The following LARP4 variants were observed in gnomAD, a reference collection of about 807,000 sequenced individuals.
The protein encoded by LARP4 is la-related protein 4.
Under a neutral mutation model 92.9 loss-of-function variants are expected in LARP4, and 29 were observed. That is an observed-to-expected ratio of 0.31 (90% CI 0.23 to 0.43). LARP4 has a LOEUF of 0.43. LARP4 is among the 20% of genes least tolerant of loss of function. The probability of loss-of-function intolerance (pLI) is 1.00; values close to 1 mark genes in which losing one functional copy is unlikely to be tolerated. For synonymous variants in LARP4, 279 were observed against 284.1 expected, an observed-to-expected ratio of 0.98 and a Z score of 0.18; for missense variants, 732 against 860.0, an observed-to-expected ratio of 0.85 and a Z score of 1.86.
At chr12:50,445,937 C>G (rs972984839) in intron 8 of LARP4, among the ~76,000 whole-genome samples, 2 of 150,714 alleles carry the variant, frequency 1.3e-5, no homozygotes, top group African/African-American at 4.9e-5. Context: ...TTTTTTGATT[C>G]TTTTTCACCT....
chr12:50,457,591 A>G (rs1381949403), intron 10 of LARP4, among the ~76,000 whole-genome samples: 1 of 152,214 alleles, frequency 6.6e-6, no homozygotes, highest in African/African-American at 2.4e-5. Context: ...AGGCAGGCAG[A>G]TCACTTGATC....
intron 2 of LARP4, 109 bp from the exon 3 acceptor site, chr12:50,428,826 A>G (rs1438663781): frequency 2.5e-6 from 2 of 787,632 alleles, no homozygotes; most frequent in Admixed American, 3.4e-5. Flanking sequence ...ACATATTTCA[A>G]ACTGGTAGAA....
Position 50,429,106 on chromosome 12 carries a change from T to G in LARP4, c.322+16T>G. ...GATGTTTCCGGTAAACTTTATGGTT[T>G]TATTGTTAAAATGAGAATTCAGTAC... On this transcript the variant is annotated intron_variant, in intron 3 of 15. Transcript: ENST00000398473. 6.2e-7 allele frequency: 1 copy of G among 1,604,680 alleles called. No individual in the cohort carries two copies. Among genetic ancestry groups the G allele is most frequent in the South Asian group, 1.1e-5 (1 of 89,728 alleles).
chr12:50,416,462 T>G (rs934547489), intron 1 of LARP4: 5 of 152,130 alleles, frequency 3.3e-5, no homozygotes, highest in Non-Finnish European at 7.3e-5. Context: ...GCTTGTGAGT[T>G]TGAGACCAGC....
At chr12:50,469,882 C>G (rs570525333) in intron 13 of LARP4, among the ~76,000 whole-genome samples, 1 of 152,136 alleles carries the variant, frequency 6.6e-6, no homozygotes, top group African/African-American at 2.4e-5. Flanking sequence ...GCACTCCAGC[C>G]TGGGCGACAA....
intron 1 of LARP4, among the ~76,000 whole-genome samples, chr12:50,426,731 G>GTGTGTGTGTGTGTGTGT (rs1483728898): frequency 1.3e-4 from 10 of 79,726 alleles, no homozygotes; most frequent in East Asian, 4.0e-4. Flanking sequence ...GTGTGTGTGT[G>GTGTGTGTGTGTGTGTGT]GTTTTTTTTT....
At chr12:50,461,466 A>C in intron 11 of LARP4, 119 bp downstream of exon 11, 2 of 1,016,794 alleles carry the variant, frequency 2.0e-6, no homozygotes, top group South Asian at 1.5e-5. Context: ...GGTTATATTA[A>C]ATAAATACGT....
intron 1 of LARP4, chr12:50,402,575 C>G (rs1475634739): frequency 1.1e-5 from 3 of 263,158 alleles, no homozygotes; most frequent in Non-Finnish European, 2.3e-5. Context: ...CAAATTGATT[C>G]CTTTGGCTTT....
intron 1 of LARP4, among the ~76,000 whole-genome samples, chr12:50,424,306 G>T (rs1037990980): frequency 3.3e-5 from 5 of 152,002 alleles, no homozygotes; most frequent in African/African-American, 1.2e-4. Context: ...GGAGTTTGAG[G>T]CTACAGTGAG....
Position 50,461,357 on chromosome 12 carries a change from T to C in LARP4, c.1334+10T>C, listed in dbSNP as rs1305306128. On this transcript the variant is annotated intron_variant, in intron 11 of 15. Transcript: ENST00000398473. ...ACTATGGTAGGGGCAGGTAAGAAAA[T>C]AAAGTACCTGAAAACCTTTGATAAT... is the stretch of plus-strand genomic sequence containing the variant. The C allele has an allele frequency of 6.2e-7, 1 of 1,608,722 alleles. No individual in the cohort carries two copies.
chr12:50,401,035 G>T lies in LARP4; in HGVS notation c.18+7G>T. Reference sequence around the variant, plus strand: ...CATGTTGCTTTTCGTGGAGGTGAGTGCATTATGCTAGTCTCGTCCTGCTCT... The same window carrying T: ...CATGTTGCTTTTCGTGGAGGTGAGTTCATTATGCTAGTCTCGTCCTGCTCT... On this transcript the variant is annotated splice_region_variant and intron_variant, in intron 1 of 15. Transcript: ENST00000398473. 1 of 1,614,108 alleles carries T rather than the reference G, an allele frequency of 6.2e-7. No individual in the cohort carries two copies. The highest frequency in any genetic ancestry group is 8.5e-7 in the Non-Finnish European group (1 of 1,179,970).
intron 4 of LARP4, among the ~76,000 whole-genome samples, chr12:50,433,252 A>G (rs1949940731): frequency 6.9e-6 from 1 of 144,920 alleles, no homozygotes; most frequent in African/African-American, 2.5e-5. Context: ...CAGCTTTCCC[A>G]GATCTCCAAA....
intron 7 of LARP4, 24 bp from the exon 8 acceptor site, chr12:50,441,566 G>GTT: frequency 6.5e-7 from 1 of 1,542,640 alleles, no homozygotes; most frequent in Non-Finnish European, 8.8e-7. Context: ...GCTAATGAAA[G>GTT]TTTTTTTTGT....
At chr12:50,420,947 C>CTTTTGTTTTTTTTTTTTTTTTTTTTTT (rs1947648597) in intron 1 of LARP4, 1 of 111,442 alleles carries the variant, frequency 9.0e-6, no homozygotes, top group African/African-American at 3.4e-5. Flanking sequence ...ATAACCTTTG[C>CTTTTGTTTTTTTTTTTTTTTTTTTTTT]TTTTTTTTTT....
chr12:50,418,909 G>C (rs1394010833), intron 1 of LARP4, among the ~76,000 whole-genome samples: 1 of 151,788 alleles, frequency 6.6e-6, no homozygotes, highest in Non-Finnish European at 1.5e-5. Flanking sequence ...TTGTAGAGGG[G>C]GGTGGTCTTC....
rs139939156 is a variant in LARP4, at chr12:50,453,820, A to G, written c.1017+148A>G. 6.4e-3 allele frequency: 3,804 copies of G among 589,810 alleles called. 18 individuals carry two copies. Among genetic ancestry groups the G allele is most frequent in the Non-Finnish European group, 8.7e-3 (3,110 of 355,700 alleles). 36.5% of individuals were successfully genotyped at this position (589,810 alleles called of 1,614,324 possible). ...TTTATTTTTTGTATTTTTCGTAGAG[A>G]TGGAATTTTGCCATGTTGCCCAGGC... On this transcript the variant is annotated intron_variant, in intron 9 of 15. Coordinates refer to ENST00000398473, the MANE Select transcript of LARP4 (RefSeq NM_052879.5).
At chr12:50,414,326 C>A (rs564283828) in intron 1 of LARP4, among the ~76,000 whole-genome samples, 3 of 152,008 alleles carry the variant, frequency 2.0e-5, no homozygotes, top group African/African-American at 7.2e-5. Context: ...TCTGTTGAGA[C>A]GGGGTCTTGC....
chr12:50,423,447 T>C (rs1441570315), intron 1 of LARP4, among the ~76,000 whole-genome samples: 2 of 152,104 alleles, frequency 1.3e-5, no homozygotes, highest in Non-Finnish European at 2.9e-5. Context: ...TAAAAAAATC[T>C]ATGCAGTGTT....
intron 1 of LARP4, among the ~76,000 whole-genome samples, chr12:50,423,077 C>T (rs189391282): frequency 9.9e-4 from 150 of 152,146 alleles, no homozygotes; most frequent in Non-Finnish European, 1.6e-3. Flanking sequence ...GCCTCAGCCT[C>T]CCACAGTGTT....
Sources: gnomAD v4.1 joint callset for allele counts (sites outside exome capture counted in the v4.1 genomes callset) on GRCh38, gnomAD v4.1.1 for gene constraint, MANE v1.5 for transcripts, NCBI Gene and HGNC (gene_info 2026-07-23, HGNC 2026-07-21) for gene names.